The following PDZD8 variants were observed in gnomAD, a reference collection of about 807,000 sequenced individuals.
The protein encoded by PDZD8 is PDZ domain containing 8, also known as PDZ domain-containing protein 8.
Under a neutral mutation model 85.8 loss-of-function variants are expected in PDZD8, and 14 were observed. The observed-to-expected ratio is 0.16, with a 90% confidence interval of 0.11 to 0.26. The LOEUF is 0.26. PDZD8 is among the 10% of genes least tolerant of loss of function. The pLI, the probability that PDZD8 is intolerant of heterozygous loss-of-function variation, is 1.00. For missense variants in PDZD8, 1,197 were observed against 1,424.3 expected (o/e 0.84, Z 2.57); for synonymous variants, 592 against 568.6 (o/e 1.04, Z -0.59).
chr10:117,328,500 T>C (rs942039206), intron 2 of PDZD8, among the ~76,000 whole-genome samples: 1 of 151,966 alleles, frequency 6.6e-6, no homozygotes, highest in Non-Finnish European at 1.5e-5. Context: ...CTGCCTTGAC[T>C]TCCCAGGCTT....
At chr10:117,295,524 T>C (rs1442578542) in intron 3 of PDZD8, among the ~76,000 whole-genome samples, 1 of 152,112 alleles carries the variant, frequency 6.6e-6, no homozygotes, top group Non-Finnish European at 1.5e-5. Context: ...TCCCTCCCAG[T>C]TGGGAGCTAG....
Position 117,308,012 on chromosome 10 carries a change from T to C in PDZD8, c.1098+10860A>G, listed in dbSNP as rs541970529. Among the ~76,000 whole-genome samples the C allele has an allele frequency of 2.0e-5, 3 of 152,258 alleles. No homozygotes were observed. In the East Asian group the frequency reaches 5.8e-4, roughly 29 times the overall value. On this transcript the variant is annotated intron_variant, in intron 3 of 4. Transcript: ENST00000334464. ...GAAGTATCATGAACTACTTCCTAAA[T>C]GCTTTAAAACTTTCTGTTATTAATT...
intron 1 of PDZD8, among the ~76,000 whole-genome samples, chr10:117,345,409 TTGAC>T (rs1844687526): frequency 6.6e-6 from 1 of 152,164 alleles, no homozygotes; most frequent in Non-Finnish European, 1.5e-5. Flanking sequence ...GAGGCACAAT[TTGAC>T]TGGAATAGTT....
In PDZD8 at chr10:117,285,142, T is replaced by C. The variant is rs34094598; in HGVS notation, c.1591A>G (p.Ile531Val). 1.1e-4 allele frequency: 185 copies of C among 1,614,028 alleles called. No homozygotes were observed. The highest frequency in any genetic ancestry group is 1.5e-4 in the Non-Finnish European group (176 of 1,179,972). The stretch of plus-strand genomic sequence containing the variant: ...GGTGATATAGCTCCAAGGGGTTTAA[T>C]AGAAAGTGTTGTTGGAACACGTTTG... ...SPKRVPTTLS[I>V]KPLGAISPVL... The change falls in exon 5 of 5, where the codon ATT becomes GTT. Residue 531 changes from isoleucine to valine, a missense_variant. Ile to Val is a conservative substitution (Grantham distance 29). This residue lies in a region of PDZD8 where 263 missense variants were observed against 261.9 expected (regional missense o/e 1.00). Coordinates refer to ENST00000334464, the MANE Select transcript of PDZD8 (RefSeq NM_173791.5).
At chr10:117,337,549 A>T (rs1844538185) in intron 2 of PDZD8, among the ~76,000 whole-genome samples, 1 of 152,252 alleles carries the variant, frequency 6.6e-6, no homozygotes, top group African/African-American at 2.4e-5. Context: ...TATTTCAGAT[A>T]GTTAGGAAAG....
chr10:117,374,073 T>C lies in PDZD8; in HGVS notation c.872+283A>G, dbSNP rs1274942850. On this transcript the variant is annotated intron_variant, in intron 1 of 4. Transcript: ENST00000334464. The surrounding 1 kb of genome is among the most constrained non-coding windows in gnomAD (Gnocchi z 7.8). ...CCTGGGGATTAGGGTAGGCTTCCCT[T>C]CCATTTCCAATATGCTGCTTATAAA... 6.6e-6 allele frequency among the ~76,000 whole-genome samples: 1 copy of C among 152,172 alleles called. No homozygotes were observed. Among genetic ancestry groups the C allele is most frequent in the Non-Finnish European group, 1.5e-5 (1 of 68,032 alleles).
chr10:117,288,262 A>G (rs1241213282), intron 4 of PDZD8, among the ~76,000 whole-genome samples: 6 of 152,210 alleles, frequency 3.9e-5, no homozygotes, highest in African/African-American at 1.4e-4. Flanking sequence ...GTTTTGAAAA[A>G]TATCTGTTGA....
chr10:117,326,861 A>C (rs1844325602), intron 2 of PDZD8, among the ~76,000 whole-genome samples: 2 of 152,180 alleles, frequency 1.3e-5, no homozygotes, highest in African/African-American at 4.8e-5. Context: ...TCTGGTATTA[A>C]AGAGACTCAG....
intron 2 of PDZD8, among the ~76,000 whole-genome samples, chr10:117,323,805 A>G (rs1844267943): frequency 6.6e-6 from 1 of 152,178 alleles, no homozygotes; most frequent in South Asian, 2.1e-4. Flanking sequence ...TTCCATTTGC[A>G]CTATGTGGTC....
At chr10:117,287,833 T>A (rs1380724374) in intron 4 of PDZD8, among the ~76,000 whole-genome samples, 1 of 152,248 alleles carries the variant, frequency 6.6e-6, no homozygotes, top group Non-Finnish European at 1.5e-5. Context: ...CAGAGCTTTC[T>A]AATATGGTGC....
intron 2 of PDZD8, among the ~76,000 whole-genome samples, chr10:117,330,498 C>T (rs921528923): frequency 2.6e-5 from 4 of 152,168 alleles, no homozygotes; most frequent in East Asian, 1.9e-4. Flanking sequence ...AGCAGATCAA[C>T]GTCAATGGAT....
At chr10:117,291,149 A>C (rs1844754222) in intron 3 of PDZD8, among the ~76,000 whole-genome samples, 1 of 151,856 alleles carries the variant, frequency 6.6e-6, no homozygotes, top group African/African-American at 2.4e-5. Flanking sequence ...GCTAGGATTA[A>C]AGGCGTGAGC....
At position 117,348,469 on chromosome 10, in the gene PDZD8, C is replaced by T. The variant is rs1001774039; in HGVS notation, c.873-7367G>A. On this transcript the variant is annotated intron_variant, in intron 1 of 4. Coordinates refer to ENST00000334464, the MANE Select transcript of PDZD8 (RefSeq NM_173791.5). ...GCCAAAACTGGAACTTGTGTTAATC[C>T]GCGATGGCTTCCATAACAGAACTCT... 1.2e-4 allele frequency among the ~76,000 whole-genome samples: 18 copies of T among 152,094 alleles called. 1 individual carries two copies. The highest frequency in any genetic ancestry group is 3.9e-4 in the African/African-American group (16 of 41,396).
chr10:117,328,862 A>G (rs1271704063), intron 2 of PDZD8, among the ~76,000 whole-genome samples: 2 of 152,224 alleles, frequency 1.3e-5, no homozygotes, highest in African/African-American at 4.8e-5. Context: ...TTGGGATTAT[A>G]GGCGTGGGCC....
Position 117,318,470 on chromosome 10 carries a change from C to T in PDZD8, c.1098+402G>A, listed in dbSNP as rs138423908. Among the ~76,000 whole-genome samples, 1,507 of 152,198 alleles carry T rather than the reference C, an allele frequency of 9.9e-3. 13 individuals carry two copies. Among genetic ancestry groups the T allele is most frequent in the Middle Eastern group, 0.041 (12 of 294 alleles). On this transcript the variant is annotated intron_variant, in intron 3 of 4. Coordinates refer to ENST00000334464, the MANE Select transcript of PDZD8 (RefSeq NM_173791.5). ...TCACAAGAATAGGGGCCTTTTTTGT[C>T]TTGAACAGTTTCTCTTGCATCTAAA...
chr10:117,374,647 G>A lies in PDZD8; in HGVS notation c.581C>T (p.Ala194Val). 1 of 1,583,248 alleles carries A rather than the reference G, an allele frequency of 6.3e-7. No individual in the cohort carries two copies. The highest frequency in any genetic ancestry group is 8.6e-7 in the Non-Finnish European group (1 of 1,164,386). ...AACPEELAFE[A>V]EVEYNGGFHL... ...GAAGCCCCCGTTGTACTCCACCTCC[G>A]CCTCGAAGGCCAGCTCCTCGGGGCA... The change falls in exon 1 of 5, where the codon GCG (alanine) becomes GTG (valine). Residue 194 changes from alanine (A) to valine (V), a missense_variant. Ala to Val is a moderately conservative substitution (Grantham distance 64). Coordinates refer to ENST00000334464, the MANE Select transcript of PDZD8 (RefSeq NM_173791.5). The surrounding 1 kb of genome is among the most constrained non-coding windows in gnomAD (Gnocchi z 7.8).
In PDZD8 at chr10:117,284,083, A is replaced by G. The variant is rs890146755; in HGVS notation, c.2650T>C (p.Cys884Arg). 1 of 1,614,066 alleles carries G rather than the reference A, an allele frequency of 6.2e-7. No homozygotes were observed. The highest frequency in any genetic ancestry group is 1.3e-5 in the African/African-American group (1 of 74,898). The change falls in exon 5 of 5, where the codon TGT becomes CGT. Residue 884 changes from cysteine (C) to arginine (R), a missense_variant. Transcript: ENST00000334464. Reference sequence around the variant, plus strand: ...CCACAAACAGAAGTCTCAGCTAGACACTTTTCTTGACATTTTTTATGGCAA... The same window carrying G: ...CCACAAACAGAAGTCTCAGCTAGACGCTTTTCTTGACATTTTTTATGGCAA... ...YVCHKKCQEK[C>R]LAETSVCGAT...
chr10:117,362,527 T>A (rs1845016157), intron 1 of PDZD8, among the ~76,000 whole-genome samples: 2 of 152,084 alleles, frequency 1.3e-5, no homozygotes, highest in Admixed American at 1.3e-4. Flanking sequence ...AGAGAAATCA[T>A]AAGAGCACAG....
chr10:117,364,181 G>GGTGT (rs71938439), intron 1 of PDZD8, among the ~76,000 whole-genome samples: 4,561 of 149,046 alleles, frequency 0.031, 97 homozygotes, highest in Non-Finnish European at 0.042. Flanking sequence ...ATAATTTATG[G>GGTGT]GTGTGTGTGT....
Sources: gnomAD v4.1 joint callset for allele counts (sites outside exome capture counted in the v4.1 genomes callset) on GRCh38, gnomAD v4.1.1 for gene constraint, gnomAD v4.1.1 regional missense constraint, Gnocchi (gnomAD v3.1) non-coding constraint, MANE v1.5 for transcripts, NCBI Gene and HGNC (gene_info 2026-07-23, HGNC 2026-07-21) for gene names.